The following AGBL4 variants were observed in gnomAD, a reference collection of about 807,000 sequenced individuals.
AGBL4 encodes AGBL carboxypeptidase 4, also known as cytosolic carboxypeptidase 6.
A neutral mutation model predicts 66.4 loss-of-function variants in AGBL4; 58 were observed. That is an observed-to-expected ratio of 0.87 (90% CI 0.71 to 1.09). The LOEUF (loss-of-function observed/expected upper bound fraction) is 1.09, where lower values mean the gene tolerates loss of function less well. Ranked by LOEUF, AGBL4 falls within the 50% of genes least tolerant of loss-of-function variation. AGBL4 has a pLI of 0.00. For missense variants in AGBL4, 579 were observed against 631.0 expected (o/e 0.92, Z 0.88); for synonymous variants, 234 against 222.9 (o/e 1.05, Z -0.44).
intron 4 of AGBL4, among the ~76,000 whole-genome samples, chr1:49,053,454 T>C (rs894850865): frequency 5.3e-5 from 8 of 152,100 alleles, no homozygotes; most frequent in African/African-American, 1.9e-4. Flanking sequence ...TGGCAGCTTT[T>C]TGTACCAGTC....
chr1:48,752,799 G>A (rs1424410689), intron 6 of AGBL4, among the ~76,000 whole-genome samples: 1 of 152,062 alleles, frequency 6.6e-6, no homozygotes, highest in Non-Finnish European at 1.5e-5. Context: ...CGCCAGGCTG[G>A]AGTGCAGTGG....
chr1:49,841,889 T>C (rs894135431), intron 2 of AGBL4: 22 of 621,840 alleles, frequency 3.5e-5, no homozygotes, highest in African/African-American at 7.5e-5. Flanking sequence ...AGCCAGGGCA[T>C]GACCCCTGGG....
intron 8 of AGBL4, among the ~76,000 whole-genome samples, chr1:48,641,676 G>C (rs548626940): frequency 6.6e-6 from 1 of 152,084 alleles, no homozygotes; most frequent in African/African-American, 2.4e-5. Context: ...ACAGTGTCTC[G>C]TACACAGCTG....
chr1:48,956,346 C>T (rs1431959702), intron 5 of AGBL4, among the ~76,000 whole-genome samples: 8 of 152,198 alleles, frequency 5.3e-5, no homozygotes, highest in African/African-American at 1.7e-4. Flanking sequence ...GTATTCAAAA[C>T]TCCAGTGCTA....
intron 5 of AGBL4, among the ~76,000 whole-genome samples, chr1:48,981,937 T>A (rs1659807201): frequency 6.6e-6 from 1 of 152,128 alleles, no homozygotes; most frequent in East Asian, 1.9e-4. Context: ...GCGATCAACT[T>A]CATCTTGGGG....
intron 5 of AGBL4, among the ~76,000 whole-genome samples, chr1:48,892,609 T>C (rs763976402): frequency 2.4e-4 from 37 of 152,304 alleles, no homozygotes; most frequent in Non-Finnish European, 4.1e-4. Context: ...GGGAGGGGGC[T>C]TCAGGGCACA....
intron 6 of AGBL4, among the ~76,000 whole-genome samples, chr1:48,672,367 T>C (rs1477710626): frequency 6.6e-6 from 1 of 152,156 alleles, no homozygotes; most frequent in Non-Finnish European, 1.5e-5. Context: ...GCAAGAGACA[T>C]GGGAATCCCT....
At chr1:49,049,906 C>T (rs575315892) in intron 4 of AGBL4, among the ~76,000 whole-genome samples, 39 of 151,956 alleles carry the variant, frequency 2.6e-4, no homozygotes, top group Non-Finnish European at 5.3e-4. Flanking sequence ...CTAGGCCATT[C>T]TAAGTACTTT....
At chr1:49,405,691 C>T (rs1472832705) in intron 3 of AGBL4, among the ~76,000 whole-genome samples, 2 of 152,160 alleles carry the variant, frequency 1.3e-5, no homozygotes, top group South Asian at 4.1e-4. Flanking sequence ...CTATCTAAAA[C>T]TTGCCAAAAT....
At chr1:49,419,266 C>G (rs934539099) in intron 3 of AGBL4, among the ~76,000 whole-genome samples, 1 of 152,100 alleles carries the variant, frequency 6.6e-6, no homozygotes, top group Non-Finnish European at 1.5e-5. Flanking sequence ...GTTGGCAAGT[C>G]AAATGTAAAA....
chr1:48,979,710 T>C (rs1488964768), intron 5 of AGBL4, among the ~76,000 whole-genome samples: 1 of 152,062 alleles, frequency 6.6e-6, no homozygotes. Flanking sequence ...ATTAAGTTTG[T>C]ACTGGCAGGG....
chr1:48,874,872 C>A (rs1043744540), intron 5 of AGBL4, among the ~76,000 whole-genome samples: 1 of 152,270 alleles, frequency 6.6e-6, no homozygotes, highest in East Asian at 1.9e-4. Context: ...CCATTCTGTG[C>A]ACCACCACCT....
chr1:48,658,449 T>C (rs1646053762), intron 7 of AGBL4, among the ~76,000 whole-genome samples: 1 of 152,216 alleles, frequency 6.6e-6, no homozygotes, highest in Non-Finnish European at 1.5e-5. Context: ...CTCTAGGCCC[T>C]TCCTTGACCT....
chr1:49,768,890 C>T (rs1013347146), intron 2 of AGBL4, among the ~76,000 whole-genome samples: 1 of 151,690 alleles, frequency 6.6e-6, no homozygotes, highest in African/African-American at 2.4e-5. Flanking sequence ...CACTCTGTCG[C>T]CAGGCTGGAG....
intron 1 of AGBL4, among the ~76,000 whole-genome samples, chr1:49,915,851 C>A (rs939503191): frequency 2.6e-5 from 4 of 152,122 alleles, no homozygotes; most frequent in African/African-American, 9.7e-5. Flanking sequence ...GGCAGACTGA[C>A]ACCTCACACG....
chr1:49,875,178 T>C (rs1646956522), intron 1 of AGBL4, among the ~76,000 whole-genome samples: 3 of 150,208 alleles, frequency 2.0e-5, no homozygotes, highest in Admixed American at 2.0e-4. Flanking sequence ...AATTATACTT[T>C]AAGTTTTAGG....
chr1:49,122,377 T>A (rs1000840125), intron 4 of AGBL4, among the ~76,000 whole-genome samples: 1 of 152,162 alleles, frequency 6.6e-6, no homozygotes, highest in Non-Finnish European at 1.5e-5. Flanking sequence ...TAGTAATACA[T>A]AAAGTAATGG....
chr1:49,555,051 C>T (rs981236618), intron 3 of AGBL4, among the ~76,000 whole-genome samples: 6 of 152,130 alleles, frequency 3.9e-5, no homozygotes, highest in African/African-American at 7.2e-5. Flanking sequence ...GAAGGGGAAC[C>T]GAGTGGGTTG....
At chr1:49,790,925 T>TA (rs1444125162) in intron 2 of AGBL4, among the ~76,000 whole-genome samples, 4 of 152,182 alleles carry the variant, frequency 2.6e-5, no homozygotes, top group Non-Finnish European at 5.9e-5. Context: ...TGATAGAAGC[T>TA]AAAATATTGA....
Sources: gnomAD v4.1 joint callset for allele counts (sites outside exome capture counted in the v4.1 genomes callset) on GRCh38, gnomAD v4.1.1 for gene constraint, MANE v1.5 for transcripts, NCBI Gene and HGNC (gene_info 2026-07-23, HGNC 2026-07-21) for gene names.